Variants in MIB1 observed in about 807,000 individuals in gnomAD.
The protein encoded by MIB1 is MIB E3 ubiquitin protein ligase 1, also known as E3 ubiquitin-protein ligase MIB1.
A neutral mutation model predicts 124.5 loss-of-function variants in MIB1; 278 were observed. The observed-to-expected ratio is 2.23, with a 90% CI of 2.02 to 2.47. The LOEUF (loss-of-function observed/expected upper bound fraction) is 2.47, where lower values mean the gene tolerates loss of function less well. Among genes scored for constraint, MIB1 ranks in the 30% most tolerant of loss-of-function variants. MIB1 has a pLI of 0.00. For missense variants in MIB1, 957 were observed against 1,254.4 expected, an observed-to-expected ratio of 0.76 and a Z score of 3.58; for synonymous variants, 446 against 429.4, an observed-to-expected ratio of 1.04 and a Z score of -0.48.
At chr18:21,839,320 A>G (rs934012930) in intron 13 of MIB1, among the ~76,000 whole-genome samples, 1 of 152,200 alleles carries the variant, frequency 6.6e-6, no homozygotes, top group African/African-American at 2.4e-5. Flanking sequence ...TGCTATTAAA[A>G]TTACTGCTCT....
rs1203023292 is a variant in MIB1, at chr18:21,840,651, ATATATATATATATATTTTTTTT to A, written c.1962+2156_1962+2177del. On this transcript the variant is annotated intron_variant, in intron 13 of 20. Transcript: ENST00000261537. Reference sequence around the variant, plus strand: ...TGTATATATATATATATATATATATATATATATATATATATTTTTTTTTTTTTTTAATTAGCTGGGTGTGGTG... The same window carrying A: ...TGTATATATATATATATATATATATATTTTTTTAATTAGCTGGGTGTGGTG... Among the ~76,000 whole-genome samples, 41 of 84,564 alleles carry A rather than the reference ATATATATATATATATTTTTTTT, an allele frequency of 4.8e-4. 1 individual carries two copies. Among genetic ancestry groups the A allele is most frequent in the African/African-American group, 2.4e-3 (30 of 12,420 alleles). The allele number at this position is 84,564 out of a possible 152,430, so 55.5% of individuals were successfully genotyped here.
intron 10 of MIB1, among the ~76,000 whole-genome samples, chr18:21,804,264 T>C (rs2041680378): frequency 6.6e-6 from 1 of 152,222 alleles, no homozygotes. Flanking sequence ...CATCATGTTT[T>C]AGGAGCTAAA....
At chr18:21,779,131 T>C (rs1200254553) in intron 5 of MIB1, among the ~76,000 whole-genome samples, 2 of 152,142 alleles carry the variant, frequency 1.3e-5, no homozygotes, top group Non-Finnish European at 2.9e-5. Flanking sequence ...TAGTTAGTTA[T>C]TGTGGTTCTA....
chr18:21,798,327 T>C, intron 8 of MIB1, 99 bp downstream of exon 8: 2 of 1,200,930 alleles, frequency 1.7e-6, no homozygotes, highest in Non-Finnish European at 2.3e-6. Flanking sequence ...GTACATGTGC[T>C]TGGCTTTGTC....
intron 12 of MIB1, among the ~76,000 whole-genome samples, chr18:21,836,273 GTTTT>G (rs34936609): frequency 7.5e-6 from 1 of 133,446 alleles, no homozygotes; most frequent in Non-Finnish European, 1.6e-5. Flanking sequence ...AAAACAAAAG[GTTTT>G]TTTTTTTTTT....
chr18:21,824,401 A>G (rs1428749169), intron 12 of MIB1, among the ~76,000 whole-genome samples: 2 of 152,086 alleles, frequency 1.3e-5, no homozygotes, highest in South Asian at 2.1e-4. Flanking sequence ...TATGTTGGCT[A>G]TTTGAAGATT....
Position 21,791,959 on chromosome 18 carries a change from G to A in MIB1, c.1092+402G>A, listed in dbSNP as rs972238245. Reference sequence around the variant, plus strand: ...GTATGAAAGAGCAGCTCAGAAATGTGTGTGCTTTCATAGAGTGAATTTGTT... The same window carrying A: ...GTATGAAAGAGCAGCTCAGAAATGTATGTGCTTTCATAGAGTGAATTTGTT... On this transcript the variant is annotated intron_variant, in intron 7 of 20. Coordinates refer to ENST00000261537, the MANE Select transcript of MIB1 (RefSeq NM_020774.4). Among the ~76,000 whole-genome samples, 42 of 152,176 alleles carry A rather than the reference G, an allele frequency of 2.8e-4. 1 individual carries two copies.
Position 21,869,810 on chromosome 18 carries a change from C to A in MIB1, c.*5144C>A, listed in dbSNP as rs2042343551. 1 of 151,718 alleles carries A rather than the reference C, an allele frequency of 6.6e-6. No homozygotes were observed. The highest frequency in any genetic ancestry group is 2.4e-5 in the African/African-American group (1 of 41,258). 9.4% of individuals were successfully genotyped at this position (151,718 alleles called of 1,614,324 possible). On this transcript the variant is annotated 3_prime_UTR_variant, in exon 21 of 21. Coordinates refer to ENST00000261537, the MANE Select transcript of MIB1 (RefSeq NM_020774.4). ...CAAATGAGGGGAAAAAAAAAAGACC[C>A]TTTGTTCAAATGGATTCTGTTGTAA...
intron 12 of MIB1, among the ~76,000 whole-genome samples, chr18:21,837,192 TGG>T (rs2042041266): frequency 6.6e-6 from 1 of 152,174 alleles, no homozygotes; most frequent in Non-Finnish European, 1.5e-5. Context: ...CAGTATACTT[TGG>T]GTTCATAAAC....
intron 6 of MIB1, among the ~76,000 whole-genome samples, chr18:21,782,416 T>G (rs2041380437): frequency 6.6e-6 from 1 of 152,190 alleles, no homozygotes; most frequent in Non-Finnish European, 1.5e-5. Context: ...AACCACTGCA[T>G]CTGGCGTTAA....
chr18:21,716,836 A>G (rs2040691997), intron 1 of MIB1, among the ~76,000 whole-genome samples: 2 of 152,118 alleles, frequency 1.3e-5, no homozygotes, highest in African/African-American at 4.8e-5. Flanking sequence ...TGGGGGACAG[A>G]GTGAGACTCT....
At chr18:21,843,410 T>C (rs956588774) in intron 14 of MIB1, among the ~76,000 whole-genome samples, 193 bp downstream of exon 14, 3 of 152,226 alleles carry the variant, frequency 2.0e-5, no homozygotes, top group African/African-American at 7.2e-5. Context: ...TTGGCTTCTA[T>C]ATATAGATGG....
intron 1 of MIB1, among the ~76,000 whole-genome samples, chr18:21,753,266 G>T (rs544478395): frequency 2.4e-4 from 36 of 152,044 alleles, no homozygotes; most frequent in Non-Finnish European, 4.3e-4. Context: ...TCGGCTCACT[G>T]CAACCTTGGC....
chr18:21,821,667 C>T (rs868825141), intron 12 of MIB1, among the ~76,000 whole-genome samples: 3 of 150,408 alleles, frequency 2.0e-5, no homozygotes, highest in Non-Finnish European at 4.4e-5. Flanking sequence ...GGCACAATCT[C>T]GGCTCACTGC....
chr18:21,795,475 A>G (rs1251512177), intron 7 of MIB1, among the ~76,000 whole-genome samples: 2 of 149,754 alleles, frequency 1.3e-5, no homozygotes, highest in East Asian at 1.9e-4. Context: ...ATGATAAACT[A>G]TGAAGTTACA....
At chr18:21,737,301 G>T (rs1159161385), upstream of MIB1, among the ~76,000 whole-genome samples, 1 of 152,102 alleles carries the variant, frequency 6.6e-6, no homozygotes, top group Non-Finnish European at 1.5e-5. Flanking sequence ...AAGCAAAGGA[G>T]AAATAAAATC....
In MIB1 at chr18:21,768,828, G is replaced by T. The variant is rs1054918807; in HGVS notation, c.531+76G>T. 42 of 1,261,278 alleles carry T rather than the reference G, an allele frequency of 3.3e-5. No homozygotes were observed. In the Middle Eastern group the frequency reaches 7.7e-4, roughly 23 times the overall value. The allele number at this position is 1,261,278 out of a possible 1,614,324, so 78.1% of individuals were successfully genotyped here. ...GAACCTTTTTATTACTACTATAAATGAATTTCTTGGTCCATTGTTTTCCAT... is the reference window on the plus strand; with the variant it reads ...GAACCTTTTTATTACTACTATAAATTAATTTCTTGGTCCATTGTTTTCCAT... On this transcript the variant is annotated intron_variant, in intron 3 of 20. Transcript: ENST00000261537.
At chr18:21,720,126 C>T (rs1453659473) in intron 1 of MIB1, among the ~76,000 whole-genome samples, 1 of 152,094 alleles carries the variant, frequency 6.6e-6, no homozygotes, top group African/African-American at 2.4e-5. Context: ...TCAATCATAC[C>T]TCAGGATAAC....
At chr18:21,820,786 G>A (rs1015865955) in intron 12 of MIB1, among the ~76,000 whole-genome samples, 1 of 152,140 alleles carries the variant, frequency 6.6e-6, no homozygotes, top group Admixed American at 6.5e-5. Context: ...CATTTTACAC[G>A]TGAAGAATAT....
Sources: gnomAD v4.1 joint callset for allele counts (sites outside exome capture counted in the v4.1 genomes callset) on GRCh38, gnomAD v4.1.1 for gene constraint, MANE v1.5 for transcripts, NCBI Gene and HGNC (gene_info 2026-07-23, HGNC 2026-07-21) for gene names.